The following INSL6 variants were observed in gnomAD, a reference collection of about 807,000 sequenced individuals.
The protein encoded by INSL6 is insulin-like peptide INSL6.
INSL6 carries 16 observed loss-of-function variants against 9.4 expected under a neutral mutation model. That is an observed-to-expected ratio of 1.70 (90% CI 1.15 to 2.59). The LOEUF is 2.59. Among genes scored for constraint, INSL6 ranks in the 30% most tolerant of loss-of-function variants. The pLI is 0.00. For missense variants in INSL6, 391 were observed against 257.3 expected, an observed-to-expected ratio of 1.52 and a Z score of -3.56; for synonymous variants, 154 against 96.9, an observed-to-expected ratio of 1.59 and a Z score of -3.46.
the INSL6 span, among the ~76,000 whole-genome samples, chr9:5,092,630 C>T: frequency 6.6e-6 from 1 of 152,114 alleles, no homozygotes; most frequent in East Asian, 1.9e-4. Flanking sequence ...CAAAGACAAG[C>T]CCTTATACCT....
At chr9:5,118,308 A>G in the INSL6 span, among the ~76,000 whole-genome samples, 3 of 152,238 alleles carry the variant, frequency 2.0e-5, no homozygotes, top group Middle Eastern at 3.4e-3. Flanking sequence ...TTCTCATTCC[A>G]AATTTTGCAT....
chr9:5,185,432 C>G lies in INSL6; in HGVS notation c.171G>C (p.Glu57Asp). The G allele has an allele frequency of 6.2e-7, 1 of 1,614,184 alleles. No individual in the cohort carries two copies. The highest frequency in any genetic ancestry group is 8.5e-7 in the Non-Finnish European group (1 of 1,180,034). ...CAATCAACCGTGAGAAAGGGGTTTC[C>G]TCCTCGAAACGGAACTGGCTCCAGT... Reference protein sequence around the residue: ...HANWSQFRFEEETPFSRLIAQ... With the variant: ...HANWSQFRFEDETPFSRLIAQ... The change falls in exon 1 of 2, where the codon GAG (glutamate) becomes GAC (aspartate). Residue 57 changes from glutamate to aspartate, a missense_variant. Coordinates refer to ENST00000381641, the MANE Select transcript of INSL6 (RefSeq NM_007179.3).
At chr9:5,059,477 G>T in the INSL6 span, among the ~76,000 whole-genome samples, 1 of 152,114 alleles carries the variant, frequency 6.6e-6, no homozygotes, top group African/African-American at 2.4e-5. Context: ...TGGACATTTG[G>T]GTTGCTTTCA....
chr9:5,047,798 G>A, the INSL6 span, among the ~76,000 whole-genome samples: 17 of 151,972 alleles, frequency 1.1e-4, no homozygotes, highest in African/African-American at 3.1e-4. Context: ...ATGGGGTCTC[G>A]CTCTATTGTC....
chr9:5,087,421 T>G, the INSL6 span, among the ~76,000 whole-genome samples: 1 of 152,254 alleles, frequency 6.6e-6, no homozygotes, highest in African/African-American at 2.4e-5. Flanking sequence ...GTGGGGATTA[T>G]GGGGTTTACA....
chr9:5,081,775 G>T, the INSL6 span: 2 of 1,604,842 alleles, frequency 1.2e-6, no homozygotes, highest in Non-Finnish European at 1.7e-6. Flanking sequence ...GAGGATAGGT[G>T]CCCTGGGGTT....
At position 5,164,175 on chromosome 9, in the gene INSL6, T is replaced by A; in HGVS notation, c.380A>T (p.Lys127Met). The A allele has an allele frequency of 6.2e-7, 1 of 1,607,722 alleles. No homozygotes were observed. The highest frequency in any genetic ancestry group is 2.2e-5 in the East Asian group (1 of 44,776). ...ATGTGATGAAGAAAATTCTCTTGTC[T>A]TACCAAGGGGTGAATATCCCTTTTT... ...KDKKGYSPLG[K>M]TREFSSSHNI... The change falls in exon 2 of 2, where the codon AAG becomes ATG. Residue 127 changes from lysine (K) to methionine (M), a missense_variant. Coordinates refer to ENST00000381641, the MANE Select transcript of INSL6 (RefSeq NM_007179.3).
At chr9:5,021,306 C>T in the INSL6 span, among the ~76,000 whole-genome samples, 8 of 152,228 alleles carry the variant, frequency 5.3e-5, no homozygotes, top group East Asian at 1.5e-3. Context: ...CAGGTGAGTA[C>T]CAGATAACTC....
chr9:4,997,256 A>G, the INSL6 span, among the ~76,000 whole-genome samples: 3 of 152,126 alleles, frequency 2.0e-5, no homozygotes, highest in East Asian at 1.9e-4. Flanking sequence ...TTGCATTGCT[A>G]TAAAGAAATA....
At chr9:5,129,203 G>A (rs963265693) in intron 3 of INSL6, among the ~76,000 whole-genome samples, 1 of 151,996 alleles carries the variant, frequency 6.6e-6, no homozygotes, top group Non-Finnish European at 1.5e-5. Context: ...TGGTGGGTGT[G>A]GCATTATGTG....
chr9:5,156,324 C>T (rs911289814), intron 2 of INSL6, among the ~76,000 whole-genome samples: 1 of 152,170 alleles, frequency 6.6e-6, no homozygotes, highest in African/African-American at 2.4e-5. Context: ...CAACACTTCA[C>T]AGCTCACTTT....
chr9:5,164,728 CA>C (rs1825009913), intron 1 of INSL6, among the ~76,000 whole-genome samples: 1 of 152,232 alleles, frequency 6.6e-6, no homozygotes, highest in South Asian at 2.1e-4. Flanking sequence ...TAAATGAAAG[CA>C]TACAATACAT....
the INSL6 span, among the ~76,000 whole-genome samples, chr9:4,998,987 AT>A: frequency 3.5e-4 from 50 of 143,756 alleles, no homozygotes; most frequent in Non-Finnish European, 3.2e-4. Flanking sequence ...ACGCCCGGCT[AT>A]TTTTTTTTTT....
At chr9:5,048,464 C>G in the INSL6 span, among the ~76,000 whole-genome samples, 1 of 152,020 alleles carries the variant, frequency 6.6e-6, no homozygotes, top group Non-Finnish European at 1.5e-5. Flanking sequence ...TATAGGGAAC[C>G]AAGGCAGGCT....
At chr9:4,992,636 C>G in the INSL6 span, among the ~76,000 whole-genome samples, 1 of 152,160 alleles carries the variant, frequency 6.6e-6, no homozygotes, top group South Asian at 2.1e-4. Context: ...AGTATCTCAT[C>G]ATATAAATCA....
the INSL6 span, among the ~76,000 whole-genome samples, chr9:5,081,267 T>G: frequency 2.0e-5 from 3 of 151,924 alleles, no homozygotes; most frequent in African/African-American, 7.3e-5. Flanking sequence ...GTATTTTTTT[T>G]TTGCTTAAAT....
the INSL6 span, chr9:5,044,624 T>C: frequency 1.5e-6 from 1 of 675,516 alleles, no homozygotes; most frequent in Non-Finnish European, 2.5e-6. Flanking sequence ...AAAATTGCAG[T>C]TCTGTCTTGC....
chr9:5,081,992 T>A, the INSL6 span: 2 of 743,896 alleles, frequency 2.7e-6, no homozygotes, highest in South Asian at 1.9e-5. Context: ...GGTTGTCAGA[T>A]GTTGGAGAAA....
At chr9:5,027,947 T>C in the INSL6 span, among the ~76,000 whole-genome samples, 3 of 152,198 alleles carry the variant, frequency 2.0e-5, no homozygotes, top group Admixed American at 6.6e-5. Context: ...CCCTCAAAGA[T>C]ACCCATGAGA....
Sources: allele counts gnomAD v4.1 joint callset (sites outside exome capture counted in the v4.1 genomes callset), GRCh38; gene constraint gnomAD v4.1.1; transcripts MANE v1.5; gene names NCBI Gene and HGNC (gene_info 2026-07-23, HGNC 2026-07-21).